Variants in NEIL1 observed in about 807,000 individuals in gnomAD.
NEIL1 encodes nei like DNA glycosylase 1.
NEIL1 carries 31 observed loss-of-function variants against 44.2 expected under a neutral mutation model. That is an observed-to-expected ratio of 0.70 (90% CI 0.53 to 0.95). NEIL1 has a LOEUF of 0.95. NEIL1 is among the 40% of genes least tolerant of loss of function. The pLI is 0.00. For synonymous variants in NEIL1, 254 were observed against 209.7 expected (o/e 1.21, Z -1.83); for missense variants, 549 against 515.5 (o/e 1.07, Z -0.63).
At position 75,352,091 on chromosome 15, in the gene NEIL1, C is replaced by A; in HGVS notation, c.435-20C>A. ...GGAGGGTGGGGATGGGTCTTACGCA[C>A]CCAGACCGTGTTCCTCCAGGGAGAA... On this transcript the variant is annotated intron_variant, in intron 2 of 9. Transcript: ENST00000355059. 1.9e-6 allele frequency: 3 copies of A among 1,613,802 alleles called. No individual in the cohort carries two copies. The highest frequency in any genetic ancestry group is 2.5e-6 in the Non-Finnish European group (3 of 1,179,776).
At chr15:75,348,342 G>T in intron 1 of NEIL1, 2 of 986,576 alleles carry the variant, frequency 2.0e-6, no homozygotes, top group Non-Finnish European at 1.2e-6. Context: ...GTGGTGAGCG[G>T]CCAGATCCAG....
At position 75,356,834 on chromosome 15, in the gene NEIL1, C is replaced by T; in HGVS notation, c.*1800C>T. The T allele has an allele frequency of 1.2e-6, 2 of 1,614,144 alleles. No individual in the cohort carries two copies. The highest frequency in any genetic ancestry group is 2.2e-5 in the East Asian group (1 of 44,880). ...TGCTGCCTCGCACTGACGCGCCATA[C>T]TTGCAGTCGTTGAGCAGGGCCAGCC... On this transcript the variant is annotated 3_prime_UTR_variant, in exon 10 of 10. Coordinates refer to ENST00000355059, the MANE Select transcript of NEIL1 (RefSeq NM_024608.4). This position sits in a 1 kb window ranked among gnomAD's most constrained non-coding sequence, Gnocchi z 5.8.
Position 75,354,806 on chromosome 15 carries a change from C to G in NEIL1, c.1090C>G (p.Gln364Glu), listed in dbSNP as rs958983340. ...VPKKGRRKGRQAASGHCRPRK... is the reference protein window; with the variant it reads ...VPKKGRRKGREAASGHCRPRK... ...CAAGAAGGGGAGGAGGAAGGGGCGA[C>G]AGGCAGCCTCTGGTGGGCTTTCCTC... is the stretch of plus-strand genomic sequence containing the variant. Residue 364 changes from glutamine (Q) to glutamate (E), a missense_variant, in exon 9 of 10, where the codon CAG (glutamine) becomes GAG (glutamate). Physicochemically the swap from Gln to Glu is conservative, Grantham distance 29 (BLOSUM62 2). Transcript: ENST00000355059. 4 of 1,613,898 alleles carry G rather than the reference C, an allele frequency of 2.5e-6. No homozygotes were observed. Among genetic ancestry groups the G allele is most frequent in the Non-Finnish European group, 2.5e-6 (3 of 1,180,036 alleles).
At chr15:75,348,018 A>AG (rs1233674811) in intron 1 of NEIL1, 17 of 1,180,254 alleles carry the variant, frequency 1.4e-5, no homozygotes, top group Non-Finnish European at 1.8e-5. Context: ...CAAAGCAGGG[A>AG]GGGCGGAGGT....
rs533057347 is a variant in NEIL1, at chr15:75,354,824, C to T, written c.1102+6C>T. On this transcript the variant is annotated splice_donor_region_variant and intron_variant, in intron 9 of 9. Transcript: ENST00000355059. ...GGGGCGACAGGCAGCCTCTGGTGGG[C>T]TTTCCTCATCACTCCCAGAAACTGG... is the stretch of plus-strand genomic sequence containing the variant. 10 of 1,613,924 alleles carry T rather than the reference C, an allele frequency of 6.2e-6. No homozygotes were observed. The South Asian group carries it at 1.1e-4, about 18-fold the overall frequency.
chr15:75,347,924 C>T, intron 1 of NEIL1: 2 of 1,248,356 alleles, frequency 1.6e-6, no homozygotes, highest in Non-Finnish European at 2.1e-6. Context: ...AAGGTACGGG[C>T]GTCTGCCGTC....
chr15:75,354,273 C>G lies in NEIL1; in HGVS notation c.870C>G (p.Pro290=). The G allele has an allele frequency of 1.2e-6, 2 of 1,614,048 alleles. No individual in the cohort carries two copies. Among genetic ancestry groups the G allele is most frequent in the Non-Finnish European group, 1.7e-6 (2 of 1,179,972 alleles). Residue 290 remains proline, a synonymous_variant, in exon 7 of 10, where the codon CCC becomes CCG. Coordinates refer to ENST00000355059, the MANE Select transcript of NEIL1 (RefSeq NM_024608.4). ...WFQGDPGPLA[P]KGRKSRKKKS... ...AGGGGGATCCTGGACCGTTGGCACC[C>G]AAAGGTAAGCTACTCCTAATGTAAT... is the stretch of plus-strand genomic sequence containing the variant.
Position 75,355,986 on chromosome 15 carries a change from G to T in NEIL1, c.*952G>T. 1 of 1,614,062 alleles carries T rather than the reference G, an allele frequency of 6.2e-7. No homozygotes were observed. The highest frequency in any genetic ancestry group is 8.5e-7 in the Non-Finnish European group (1 of 1,179,978). ...AAGGTGAGCTTCAGGCGGTTGTCCC[G>T]AAGGGTCAAGTGGCCAGCAGGGTCT... On this transcript the variant is annotated 3_prime_UTR_variant, in exon 10 of 10. Coordinates refer to ENST00000355059, the MANE Select transcript of NEIL1 (RefSeq NM_024608.4).
chr15:75,348,847 C>G, intron 1 of NEIL1, 37 bp from the exon 2 acceptor site: 1 of 1,582,742 alleles, frequency 6.3e-7, no homozygotes, highest in South Asian at 1.1e-5. Flanking sequence ...TCACAAAGTC[C>G]ACACCGGGCT....
chr15:75,355,373 C>CTG lies in NEIL1; in HGVS notation c.*340_*341insGT, dbSNP rs2072260550. The CTG allele has an allele frequency of 3.4e-6, 1 of 297,552 alleles. No individual in the cohort carries two copies. The highest frequency in any genetic ancestry group is 2.2e-5 in the African/African-American group (1 of 44,912). 18.4% of individuals were successfully genotyped at this position (297,552 alleles called of 1,614,324 possible). A position where few individuals can be genotyped will look rare whatever the true frequency, so the allele number is the denominator to read the frequency against. On this transcript the variant is annotated 3_prime_UTR_variant, in exon 10 of 10. Coordinates refer to ENST00000355059, the MANE Select transcript of NEIL1 (RefSeq NM_024608.4). Reference sequence around the variant, plus strand: ...CATCCCAGTCCTCAAGGCTCTGACTCTATCAGAGGACAGTTTGCCTCTGCA... The same window carrying CTG: ...CATCCCAGTCCTCAAGGCTCTGACTCTGTATCAGAGGACAGTTTGCCTCTGCA...
At position 75,349,323 on chromosome 15, in the gene NEIL1, G is replaced by C. The variant is rs779719579; in HGVS notation, c.418G>C (p.Glu140Gln). ...QPGRGPCVLQ[E>Q]YQQFRENVLR... ...GGGCCGCGGGCCCTGTGTCTTGCAG[G>C]AGTACCAGCAGTTCAGGTAGGGCCA... The change falls in exon 2 of 10, where the codon GAG (glutamate) becomes CAG (glutamine). Residue 140 changes from glutamate to glutamine, a missense_variant. Transcript: ENST00000355059. The C allele has an allele frequency of 1.2e-6, 2 of 1,607,148 alleles. No individual in the cohort carries two copies. The highest frequency in any genetic ancestry group is 2.7e-5 in the African/African-American group (2 of 74,916).
At chr15:75,351,030 T>A (rs2071845586) in intron 2 of NEIL1, among the ~76,000 whole-genome samples, 1 of 151,752 alleles carries the variant, frequency 6.6e-6, no homozygotes, top group Non-Finnish European at 1.5e-5. Flanking sequence ...GGAGGTGGGG[T>A]GGGGGCTGCT....
rs149474256 is a variant in NEIL1 at position 75,348,374 on chromosome 15, AG to A, written c.-22-504del. 6.4e-6 allele frequency: 6 copies of A among 933,480 alleles called. No individual in the cohort carries two copies. In the East Asian group the frequency reaches 4.0e-4, roughly 62 times the overall value. The allele number at this position is 933,480 out of a possible 1,614,324, so 57.8% of individuals were successfully genotyped here. On this transcript the variant is annotated intron_variant, in intron 1 of 9. Transcript: ENST00000355059. Reference sequence around the variant, plus strand: ...CCAGGCGGGTCCTAAGTGTGGGGGGAGGGGGGCGCAGGGAGGGGCGGCCACG... The same window carrying A: ...CCAGGCGGGTCCTAAGTGTGGGGGGAGGGGGCGCAGGGAGGGGCGGCCACG...
chr15:75,354,135 C>T, intron 6 of NEIL1, 115 bp from the exon 7 acceptor site: 1 of 1,273,148 alleles, frequency 7.9e-7, no homozygotes, highest in Non-Finnish European at 1.1e-6. Flanking sequence ...CTAGAGGCTT[C>T]CTAAGGGAGA....
In NEIL1 at chr15:75,356,974, G is replaced by C. The variant is rs1265558794; in HGVS notation, c.*1940G>C. On this transcript the variant is annotated 3_prime_UTR_variant, in exon 10 of 10. Transcript: ENST00000355059. This position sits in a 1 kb window ranked among gnomAD's most constrained non-coding sequence, Gnocchi z 5.8. Reference sequence around the variant, plus strand: ...TGTGCTCCCAGACTCCAGAGCTCCTGTCACTAGGCCGAGCACAAGCTCTAG... The same window carrying C: ...TGTGCTCCCAGACTCCAGAGCTCCTCTCACTAGGCCGAGCACAAGCTCTAG... 2 of 1,261,118 alleles carry C rather than the reference G, an allele frequency of 1.6e-6. No homozygotes were observed. Among genetic ancestry groups the C allele is most frequent in the African/African-American group, 2.9e-5 (2 of 68,334 alleles). The allele number at this position is 1,261,118 out of a possible 1,614,324, so 78.1% of individuals were successfully genotyped here.
rs756480069 is a variant in NEIL1, at chr15:75,353,737, A to AG, written c.722dup. On this transcript the variant is annotated splice_acceptor_variant, in intron 5 of 9. Transcript: ENST00000355059. LOFTEE classifies it high-confidence loss of function. ...ATCTCTGCCTGTTCCTCTGTCCCAC[A>AG]GGGGGCAAAGGCTACGGGTCAGAGA... is the stretch of plus-strand genomic sequence containing the variant. 6.2e-7 allele frequency: 1 copy of AG among 1,613,836 alleles called. No homozygotes were observed.
At chr15:75,348,353 G>A in intron 1 of NEIL1, 3 of 987,472 alleles carry the variant, frequency 3.0e-6, no homozygotes, top group Non-Finnish European at 3.6e-6. Flanking sequence ...CCAGATCCAG[G>A]CGGGTCCTAA....
At chr15:75,351,553 G>A (rs1045302463) in intron 2 of NEIL1, among the ~76,000 whole-genome samples, 1 of 151,964 alleles carries the variant, frequency 6.6e-6, no homozygotes, top group Non-Finnish European at 1.5e-5. Flanking sequence ...TTACAGGTGT[G>A]AGCCACCACA....
chr15:75,355,778 A>C lies in NEIL1; in HGVS notation c.*744A>C. The C allele has an allele frequency of 4.2e-6, 3 of 710,172 alleles. No individual in the cohort carries two copies. Among genetic ancestry groups the C allele is most frequent in the Non-Finnish European group, 2.1e-6 (1 of 481,770 alleles). The allele number at this position is 710,172 out of a possible 1,614,324, so 44.0% of individuals were successfully genotyped here. A position where few individuals can be genotyped will look rare whatever the true frequency, so the allele number is the denominator to read the frequency against. On this transcript the variant is annotated 3_prime_UTR_variant, in exon 10 of 10. Transcript: ENST00000355059. ...AAGCGTGAGGATGGGCCCTAAGGGGACTGAGCAGCAGGGTTCCCGATCCAA... is the reference window on the plus strand; with the variant it reads ...AAGCGTGAGGATGGGCCCTAAGGGGCCTGAGCAGCAGGGTTCCCGATCCAA...
Sources: gnomAD v4.1 joint callset for allele counts (sites outside exome capture counted in the v4.1 genomes callset) on GRCh38, gnomAD v4.1.1 for gene constraint, Gnocchi (gnomAD v3.1) non-coding constraint, MANE v1.5 for transcripts, NCBI Gene and HGNC (gene_info 2026-07-23, HGNC 2026-07-21) for gene names.